The following DPP10 variants were observed in gnomAD, a reference collection of about 807,000 sequenced individuals.
DPP10 encodes the protein inactive dipeptidyl peptidase 10.
Under a neutral mutation model 120.9 loss-of-function variants are expected in DPP10, and 33 were observed. The observed-to-expected ratio is 0.27, with a 90% CI of 0.21 to 0.37. DPP10 has a LOEUF of 0.37. Among genes scored for constraint, DPP10 ranks in the 10% least tolerant of loss-of-function variants. The pLI is 1.00. For missense variants in DPP10, 816 were observed against 942.8 expected (o/e 0.87, Z 1.76); for synonymous variants, 337 against 326.1 (o/e 1.03, Z -0.36).
At chr2:114,562,926 T>A (rs901205757) in intron 1 of DPP10, among the ~76,000 whole-genome samples, 2 of 152,218 alleles carry the variant, frequency 1.3e-5, no homozygotes, top group African/African-American at 2.4e-5. Flanking sequence ...ATAAAACTTT[T>A]AACTGTTCCA....
At chr2:115,379,406 T>C (rs2066100591) in intron 3 of DPP10, among the ~76,000 whole-genome samples, 2 of 152,224 alleles carry the variant, frequency 1.3e-5, no homozygotes, top group Admixed American at 6.5e-5. Flanking sequence ...ATATCCCCTT[T>C]ATCATTTTTT....
At chr2:115,099,400 C>T (rs1397042494) in intron 1 of DPP10, among the ~76,000 whole-genome samples, 1 of 152,184 alleles carries the variant, frequency 6.6e-6, no homozygotes, top group Non-Finnish European at 1.5e-5. Context: ...GCCATACTTT[C>T]TCCCGGTGAT....
chr2:115,712,534 C>T (rs1176826995), intron 7 of DPP10, among the ~76,000 whole-genome samples: 2 of 9,330 alleles, frequency 2.1e-4, no homozygotes, highest in African/African-American at 4.2e-4. Flanking sequence ...TTTGAAGAGT[C>T]CTGAATTAAA....
intron 5 of DPP10, among the ~76,000 whole-genome samples, chr2:115,640,708 T>C (rs2086711709): frequency 6.6e-6 from 1 of 152,238 alleles, no homozygotes; most frequent in East Asian, 1.9e-4. Flanking sequence ...CCTTGCATTC[T>C]AATTTAGGTT....
At chr2:115,246,482 C>T (rs552978308) in intron 1 of DPP10, among the ~76,000 whole-genome samples, 1 of 152,174 alleles carries the variant, frequency 6.6e-6, no homozygotes, top group Non-Finnish European at 1.5e-5. Flanking sequence ...TTTCTGAGAA[C>T]ACTGTAAACT....
At chr2:115,369,798 G>A (rs949865636) in intron 3 of DPP10, among the ~76,000 whole-genome samples, 2 of 151,952 alleles carry the variant, frequency 1.3e-5, no homozygotes, top group Non-Finnish European at 2.9e-5. Flanking sequence ...CTTTCTGCTC[G>A]GTATTTGAGA....
chr2:115,666,215 T>A lies in DPP10; in HGVS notation c.442-23472T>A, dbSNP rs2149426289. Among the ~76,000 whole-genome samples the A allele has an allele frequency of 2.0e-5, 3 of 152,298 alleles. No individual in the cohort carries two copies. The South Asian group carries it at 6.2e-4, about 32-fold the overall frequency. On this transcript the variant is annotated intron_variant, in intron 5 of 25. Coordinates refer to ENST00000410059, the MANE Select transcript of DPP10 (RefSeq NM_020868.6). ...TTTTCATGCTGCTATGAAGCATATC[T>A]GAGACTGGGTAACTTATAAAGGAAA...
At chr2:114,824,811 T>G (rs1255130864) in intron 1 of DPP10, among the ~76,000 whole-genome samples, 3 of 152,190 alleles carry the variant, frequency 2.0e-5, no homozygotes, top group Non-Finnish European at 4.4e-5. Context: ...TCTAAAAAGC[T>G]TATGTAATAA....
intron 1 of DPP10, among the ~76,000 whole-genome samples, chr2:114,682,778 A>C: frequency 9.6e-6 from 1 of 104,418 alleles, no homozygotes; most frequent in East Asian, 2.1e-4. Flanking sequence ...CTGTCTATCT[A>C]TCTATCTATC....
chr2:115,622,891 G>A (rs888981364), intron 5 of DPP10, among the ~76,000 whole-genome samples: 5 of 146,870 alleles, frequency 3.4e-5, no homozygotes, highest in African/African-American at 1.3e-4. Flanking sequence ...CGCCCAGGCT[G>A]GAGTGCAGTG....
At chr2:115,164,116 T>A (rs950129087) in intron 1 of DPP10, among the ~76,000 whole-genome samples, 2 of 152,128 alleles carry the variant, frequency 1.3e-5, no homozygotes, top group African/African-American at 4.8e-5. Flanking sequence ...GTTTTATGAA[T>A]CTTATGCATG....
At chr2:115,814,161 CAT>C (rs531868143) in intron 19 of DPP10, among the ~76,000 whole-genome samples, 1 of 152,086 alleles carries the variant, frequency 6.6e-6, no homozygotes, top group Admixed American at 6.5e-5. Context: ...GTTTTTCAAA[CAT>C]ATATATCTAT....
intron 1 of DPP10, among the ~76,000 whole-genome samples, chr2:115,296,264 C>T (rs969250967): frequency 2.6e-5 from 4 of 151,982 alleles, no homozygotes; most frequent in African/African-American, 9.7e-5. Flanking sequence ...AGATGCTCGG[C>T]GGCCTCTAAA....
intron 1 of DPP10, among the ~76,000 whole-genome samples, chr2:114,644,366 CTGTGTG>C (rs1279481346): frequency 6.8e-6 from 1 of 147,732 alleles, no homozygotes; most frequent in African/African-American, 2.6e-5. Context: ...GTGTGTGTGT[CTGTGTG>C]TGTGTGTATT....
intron 1 of DPP10, among the ~76,000 whole-genome samples, chr2:115,247,054 T>A (rs1351227294): frequency 6.6e-6 from 1 of 152,082 alleles, no homozygotes; most frequent in Non-Finnish European, 1.5e-5. Flanking sequence ...AATGATAAAA[T>A]GAGGAGAAAT....
intron 1 of DPP10, among the ~76,000 whole-genome samples, chr2:114,710,533 T>C (rs781564722): frequency 2.6e-5 from 4 of 152,028 alleles, no homozygotes; most frequent in Admixed American, 1.3e-4. Context: ...TCACTTGAGG[T>C]CAGGAATTTG....
chr2:115,659,983 G>A (rs2088777597), intron 5 of DPP10, among the ~76,000 whole-genome samples: 1 of 152,038 alleles, frequency 6.6e-6, no homozygotes, highest in Non-Finnish European at 1.5e-5. Context: ...TGTCATCTAA[G>A]GAAATAAATC....
intron 3 of DPP10, among the ~76,000 whole-genome samples, chr2:115,407,700 G>T (rs1302759675): frequency 6.6e-6 from 1 of 151,702 alleles, no homozygotes. Flanking sequence ...TTACCTTTTT[G>T]CCAGCGTGTT....
At chr2:114,559,427 A>T (rs1558880483) in intron 1 of DPP10, among the ~76,000 whole-genome samples, 1 of 152,206 alleles carries the variant, frequency 6.6e-6, no homozygotes, top group East Asian at 1.9e-4. Flanking sequence ...TCCAGAAGGA[A>T]TGAAATCTTA....
Sources: allele counts gnomAD v4.1 joint callset (sites outside exome capture counted in the v4.1 genomes callset), GRCh38; gene constraint gnomAD v4.1.1; transcripts MANE v1.5; gene names NCBI Gene and HGNC (gene_info 2026-07-23, HGNC 2026-07-21).